ARK2N: variants seen among roughly 807,000 people sequenced by gnomAD.
The protein encoded by ARK2N is arkadia (RNF111) N-terminal like PKA signaling regulator 2N, also known as protein ARK2N.
the ARK2N span, among the ~76,000 whole-genome samples, chr18:46,206,664 GT>G: frequency 2.6e-5 from 4 of 151,986 alleles, no homozygotes; most frequent in Admixed American, 6.6e-5. Flanking sequence ...TCCTTGTTTT[GT>G]TTTTTTCCCC....
At chr18:46,198,501 G>T in the ARK2N span, among the ~76,000 whole-genome samples, 1 of 152,186 alleles carries the variant, frequency 6.6e-6, no homozygotes, top group East Asian at 1.9e-4. Context: ...TCACAAGTAA[G>T]AATTACTAAT....
chr18:46,216,970 C>T, the ARK2N span: 20 of 180,578 alleles, frequency 1.1e-4, no homozygotes, highest in Non-Finnish European at 1.4e-4. This position sits in a 1 kb window ranked among gnomAD's most constrained non-coding sequence, Gnocchi z 4.3. Flanking sequence ...CAGGAATAGG[C>T]ACCTTGCTTT....
At chr18:46,192,697 G>C in the ARK2N span, among the ~76,000 whole-genome samples, 18 of 151,696 alleles carry the variant, frequency 1.2e-4, no homozygotes, top group South Asian at 3.7e-3. Context: ...CTCCCAAGTA[G>C]AGTAGCTGGG....
the ARK2N span, among the ~76,000 whole-genome samples, chr18:46,234,934 G>T: frequency 6.6e-6 from 1 of 152,146 alleles, no homozygotes; most frequent in Non-Finnish European, 1.5e-5. Context: ...TATTACTATG[G>T]CTGCATAGAC....
the ARK2N span, among the ~76,000 whole-genome samples, chr18:46,220,740 C>T: frequency 6.6e-6 from 1 of 152,098 alleles, no homozygotes; most frequent in Non-Finnish European, 1.5e-5. Flanking sequence ...CCCTAATGGT[C>T]CTTTGGGCTC....
the ARK2N span, among the ~76,000 whole-genome samples, chr18:46,236,048 C>T: frequency 1.3e-5 from 2 of 152,034 alleles, no homozygotes; most frequent in Admixed American, 1.3e-4. Flanking sequence ...AAGTTCGAAC[C>T]TATTTATTAT....
At chr18:46,201,606 T>A in the ARK2N span, among the ~76,000 whole-genome samples, 5 of 152,160 alleles carry the variant, frequency 3.3e-5, no homozygotes, top group South Asian at 1.0e-3. Flanking sequence ...GGAAGTAGTA[T>A]CAAATTTTCT....
the ARK2N span, among the ~76,000 whole-genome samples, chr18:46,238,419 G>A: frequency 1.3e-5 from 2 of 152,038 alleles, no homozygotes; most frequent in Admixed American, 6.6e-5. Flanking sequence ...TGACGAGAAC[G>A]CCATTGAATA....
chr18:46,237,422 C>T, the ARK2N span, among the ~76,000 whole-genome samples: 1 of 141,254 alleles, frequency 7.1e-6, no homozygotes, highest in Non-Finnish European at 1.5e-5. Context: ...GAGCCTTGAT[C>T]TGTTGCCCAG....
chr18:46,255,366 G>C, the ARK2N span, among the ~76,000 whole-genome samples: 2 of 149,824 alleles, frequency 1.3e-5, no homozygotes, highest in South Asian at 2.1e-4. Context: ...TATTTATTCT[G>C]TAAGTATGCC....
At chr18:46,246,398 G>A in the ARK2N span, among the ~76,000 whole-genome samples, 1 of 152,182 alleles carries the variant, frequency 6.6e-6, no homozygotes, top group Non-Finnish European at 1.5e-5. Flanking sequence ...GAAGGAAGAG[G>A]CAGAGGCATC....
chr18:46,179,703 G>T, the ARK2N span, among the ~76,000 whole-genome samples: 6 of 149,210 alleles, frequency 4.0e-5, no homozygotes, highest in African/African-American at 1.5e-4. Flanking sequence ...TCCGCTCACC[G>T]CAACCTCCGC....
the ARK2N span, among the ~76,000 whole-genome samples, chr18:46,244,203 T>G: frequency 1.3e-5 from 2 of 152,348 alleles, no homozygotes; most frequent in East Asian, 3.9e-4. Context: ...GGCTTCATTT[T>G]TGTTGCTAGT....
the ARK2N span, among the ~76,000 whole-genome samples, chr18:46,176,611 C>T: frequency 6.6e-6 from 1 of 150,954 alleles, no homozygotes; most frequent in Non-Finnish European, 1.5e-5. Flanking sequence ...CACGCCACCA[C>T]ACTCAGCTAA....
At chr18:46,199,348 G>A in the ARK2N span, among the ~76,000 whole-genome samples, 10 of 151,122 alleles carry the variant, frequency 6.6e-5, no homozygotes, top group East Asian at 1.4e-3. Context: ...GGAATCTCTC[G>A]CTGTTGCCCA....
chr18:46,238,450 T>C, the ARK2N span, among the ~76,000 whole-genome samples: 1 of 152,194 alleles, frequency 6.6e-6, no homozygotes, highest in African/African-American at 2.4e-5. Flanking sequence ...CTTTTCTTTT[T>C]TTAGAAAAGA....
chr18:46,221,457 G>A, the ARK2N span, among the ~76,000 whole-genome samples: 1 of 151,122 alleles, frequency 6.6e-6, no homozygotes, highest in African/African-American at 2.4e-5. Context: ...CTACTCGGGA[G>A]GCTGAGGCAG....
chr18:46,240,205 C>G, the ARK2N span: 2 of 1,613,434 alleles, frequency 1.2e-6, no homozygotes, highest in Admixed American at 1.7e-5. Context: ...TTCCCCATCC[C>G]CCTTCTCTAA....
At chr18:46,243,451 G>T in the ARK2N span, among the ~76,000 whole-genome samples, 1 of 152,116 alleles carries the variant, frequency 6.6e-6, no homozygotes, top group African/African-American at 2.4e-5. Context: ...TCCCATTTAG[G>T]ATCACATAGG....
Sources: gnomAD v4.1 joint callset for allele counts (sites outside exome capture counted in the v4.1 genomes callset) on GRCh38, gnomAD v4.1.1 for gene constraint, Gnocchi (gnomAD v3.1) non-coding constraint, MANE v1.5 for transcripts, NCBI Gene and HGNC (gene_info 2026-07-23, HGNC 2026-07-21) for gene names.